Variants in ASTN2 observed in about 807,000 individuals in gnomAD.
ASTN2 encodes the protein astrotactin 2.
In ASTN2, 54 loss-of-function variants were observed where a neutral mutation model predicts 139.8. The observed-to-expected ratio is 0.39, with a 90% CI of 0.31 to 0.48. The LOEUF is 0.48. ASTN2 is among the 20% of genes least tolerant of loss of function. The probability of loss-of-function intolerance (pLI) is 0.95; values close to 1 mark genes in which losing one functional copy is unlikely to be tolerated. For missense variants in ASTN2, 1,565 were observed against 1,725.1 expected (o/e 0.91, Z 1.64); for synonymous variants, 756 against 719.5 (o/e 1.05, Z -0.81).
intron 2 of ASTN2, among the ~76,000 whole-genome samples, chr9:117,258,470 A>G (rs1383469021): frequency 1.3e-5 from 2 of 152,154 alleles, no homozygotes; most frequent in African/African-American, 4.8e-5. Flanking sequence ...TCTGTGTGAC[A>G]GTTTGCAGCA....
chr9:116,592,083 C>T (rs1854400952), intron 19 of ASTN2, among the ~76,000 whole-genome samples: 1 of 152,056 alleles, frequency 6.6e-6, no homozygotes, highest in South Asian at 2.1e-4. Flanking sequence ...CTATGCACAT[C>T]CTCCCTTAAA....
chr9:117,384,578 A>G (rs1483599123), intron 1 of ASTN2, among the ~76,000 whole-genome samples: 1 of 152,184 alleles, frequency 6.6e-6, no homozygotes, highest in Non-Finnish European at 1.5e-5. Context: ...TTCTCCCACT[A>G]ACTTGATAAG....
intron 16 of ASTN2, among the ~76,000 whole-genome samples, chr9:116,653,156 A>G (rs1564184357): frequency 6.6e-6 from 1 of 152,172 alleles, no homozygotes; most frequent in Non-Finnish European, 1.5e-5. Flanking sequence ...ACATGGTGCG[A>G]CGGATGTATT....
chr9:117,188,177 A>AGC, intron 3 of ASTN2, among the ~76,000 whole-genome samples: 1 of 101,840 alleles, frequency 9.8e-6, no homozygotes, highest in Non-Finnish European at 2.1e-5. Flanking sequence ...AGAGAGAGAG[A>AGC]GAGAGAGAGA....
intron 13 of ASTN2, among the ~76,000 whole-genome samples, chr9:116,801,051 T>A (rs1198845266): frequency 6.6e-6 from 1 of 152,110 alleles, no homozygotes; most frequent in East Asian, 1.9e-4. Context: ...TTTGATATCC[T>A]AGGCCAGCCA....
At chr9:117,370,552 A>G (rs1043947935) in intron 1 of ASTN2, among the ~76,000 whole-genome samples, 1 of 152,210 alleles carries the variant, frequency 6.6e-6, no homozygotes, top group African/African-American at 2.4e-5. Context: ...TCTGATACTC[A>G]CAAAACCTTT....
intron 18 of ASTN2, 79 bp from the exon 19 acceptor site, chr9:116,618,551 T>C (rs1164642430): frequency 6.8e-6 from 10 of 1,474,428 alleles, no homozygotes; most frequent in African/African-American, 1.4e-5. Context: ...TGTGTCAAGA[T>C]GAAGCATAGG....
At chr9:116,764,715 T>C (rs1286078457) in intron 13 of ASTN2, among the ~76,000 whole-genome samples, 3 of 152,224 alleles carry the variant, frequency 2.0e-5, no homozygotes, top group Non-Finnish European at 4.4e-5. Flanking sequence ...ATCCCTTTCT[T>C]AATCCCTGCC....
intron 16 of ASTN2, among the ~76,000 whole-genome samples, chr9:116,708,623 C>G (rs149594283): frequency 4.1e-4 from 62 of 152,210 alleles, no homozygotes; most frequent in African/African-American, 1.5e-3. Flanking sequence ...AAAGAGCTCA[C>G]GAAAAAGGGA....
chr9:116,686,706 G>A (rs1321649320), intron 16 of ASTN2: 2 of 1,550,474 alleles, frequency 1.3e-6, no homozygotes, highest in East Asian at 2.4e-5. Flanking sequence ...CCTTCAGTCT[G>A]CAGGGACAGG....
At chr9:116,716,406 G>T (rs1461837994) in intron 16 of ASTN2, among the ~76,000 whole-genome samples, 1 of 152,160 alleles carries the variant, frequency 6.6e-6, no homozygotes, top group African/African-American at 2.4e-5. Context: ...TTTCTGGAGA[G>T]GGAAGGCCAA....
intron 19 of ASTN2, among the ~76,000 whole-genome samples, chr9:116,534,842 C>T (rs796191666): frequency 1.3e-4 from 20 of 152,186 alleles, no homozygotes; most frequent in African/African-American, 4.3e-4. Context: ...ATTCTGTTGA[C>T]TTGGGGTGGA....
intron 1 of ASTN2, among the ~76,000 whole-genome samples, chr9:117,374,369 T>TAAAAAAAAAAAAAAAAA (rs57428022): frequency 4.5e-4 from 39 of 87,320 alleles, no homozygotes; most frequent in African/African-American, 2.0e-3. Flanking sequence ...AGGGCAGGGT[T>TAAAAAAAAAAAAAAAAA]AAAAAAAAAA....
chr9:116,614,846 T>C (rs1855755196), intron 19 of ASTN2, among the ~76,000 whole-genome samples: 1 of 152,140 alleles, frequency 6.6e-6, no homozygotes, highest in Non-Finnish European at 1.5e-5. Flanking sequence ...CCAAAAGCAA[T>C]GGCAACACAA....
chr9:116,784,453 T>C (rs954031287), intron 13 of ASTN2, among the ~76,000 whole-genome samples: 4 of 152,170 alleles, frequency 2.6e-5, no homozygotes, highest in African/African-American at 4.8e-5. Flanking sequence ...TTAGACAGTA[T>C]TGAATTATTG....
At chr9:117,027,198 A>G (rs1838113497) in intron 6 of ASTN2, among the ~76,000 whole-genome samples, 1 of 152,178 alleles carries the variant, frequency 6.6e-6, no homozygotes, top group South Asian at 2.1e-4. Flanking sequence ...AGATTAAGAA[A>G]TAACCCAGAA....
intron 1 of ASTN2, among the ~76,000 whole-genome samples, chr9:117,328,258 A>G (rs1023575848): frequency 6.6e-6 from 1 of 152,180 alleles, no homozygotes; most frequent in Non-Finnish European, 1.5e-5. Context: ...GGTTGCACGC[A>G]TACACACTAA....
chr9:117,387,490 G>A (rs532466373), intron 1 of ASTN2, among the ~76,000 whole-genome samples: 1 of 152,266 alleles, frequency 6.6e-6, no homozygotes, highest in Non-Finnish European at 1.5e-5. Flanking sequence ...TCTGAAAAAT[G>A]AGCAGGAGTC....
chr9:117,109,837 C>G (rs914561444), intron 4 of ASTN2, among the ~76,000 whole-genome samples: 1 of 152,160 alleles, frequency 6.6e-6, no homozygotes, highest in African/African-American at 2.4e-5. Context: ...CGGGAGTATT[C>G]TCATGAGTTT....
Sources: gnomAD v4.1 joint callset for allele counts (sites outside exome capture counted in the v4.1 genomes callset) on GRCh38, gnomAD v4.1.1 for gene constraint, MANE v1.5 for transcripts, NCBI Gene and HGNC (gene_info 2026-07-23, HGNC 2026-07-21) for gene names.